DSP: variants seen among roughly 807,000 people sequenced by gnomAD.
The protein encoded by DSP is 250/210 kDa paraneoplastic pemphigus antigen.
Under a neutral mutation model 290.6 loss-of-function variants are expected in DSP, and 114 were observed. The observed-to-expected ratio is 0.39, with a 90% CI of 0.34 to 0.46. The LOEUF is 0.46. Ranked by LOEUF, DSP falls within the 20% of genes least tolerant of loss-of-function variation. The pLI is 0.99. For missense variants in DSP, 3,230 were observed against 3,495.8 expected, an observed-to-expected ratio of 0.92 and a Z score of 1.92; for synonymous variants, 1,311 against 1,316.4, an observed-to-expected ratio of 1.00 and a Z score of 0.09.
Position 7,568,853 on chromosome 6 carries a change from CTG to C in DSP, c.1419+267_1419+268del, listed in dbSNP as rs542204143. ...TTTTCTTCTAGTATGTCAAAGTTGT[CTG>C]TGATCACTCTCATCTTTAAATTTCT... is the stretch of plus-strand genomic sequence containing the variant. On this transcript the variant is annotated intron_variant, in intron 11 of 23. Transcript: ENST00000379802. Among the ~76,000 whole-genome samples the C allele has an allele frequency of 3.0e-3, 464 of 152,250 alleles. 1 individual carries two copies. The highest frequency in any genetic ancestry group is 0.011 in the African/African-American group (448 of 41,542).
Position 7,565,663 on chromosome 6 carries a change from T to C in DSP, c.939+143T>C. On this transcript the variant is annotated intron_variant, in intron 7 of 23. Coordinates refer to ENST00000379802, the MANE Select transcript of DSP (RefSeq NM_004415.4). The surrounding 1 kb of genome is among the most constrained non-coding windows in gnomAD (Gnocchi z 4.2). Reference sequence around the variant, plus strand: ...TCTTTGAAATGGTCGTGAAAAATCCTTCCTTCCTGAAAACTTCTCCGTGTG... The same window carrying C: ...TCTTTGAAATGGTCGTGAAAAATCCCTCCTTCCTGAAAACTTCTCCGTGTG... The C allele has an allele frequency of 8.5e-7, 1 of 1,182,212 alleles. No individual in the cohort carries two copies. Among genetic ancestry groups the C allele is most frequent in the South Asian group, 1.3e-5 (1 of 74,450 alleles). 73.2% of individuals were successfully genotyped at this position (1,182,212 alleles called of 1,614,324 possible).
chr6:7,556,291 G>T (rs2113654823), intron 2 of DSP, among the ~76,000 whole-genome samples: 1 of 152,204 alleles, frequency 6.6e-6, no homozygotes, highest in African/African-American at 2.4e-5. Context: ...ATGGAAAATT[G>T]AGGAGAAATG....
chr6:7,578,501 C>A lies in DSP; in HGVS notation c.3023C>A (p.Thr1008Lys). 6.2e-7 allele frequency: 1 copy of A among 1,613,750 alleles called. No individual in the cohort carries two copies. Among genetic ancestry groups the A allele is most frequent in the East Asian group, 2.2e-5 (1 of 44,806 alleles). Reference protein sequence around the residue: ...DVHARYIELLTRSGDYYRFLS... With the variant: ...DVHARYIELLKRSGDYYRFLS... ...CATGCTCGGTACATTGAACTACTTA[C>A]AAGATCTGGAGACTATTACAGGTTC... is the stretch of plus-strand genomic sequence containing the variant. The change falls in exon 22 of 24, where the codon ACA (threonine) becomes AAA (lysine). Residue 1008 changes from threonine to lysine, a missense_variant. Around this residue, in one of 5 missense-constraint regions of DSP, gnomAD observed 1,714 missense variants for 1,844.5 expected, o/e 0.93. Transcript: ENST00000379802.
chr6:7,581,770 A>T (rs764833632), intron 23 of DSP, among the ~76,000 whole-genome samples: 1 of 152,158 alleles, frequency 6.6e-6, no homozygotes, highest in Non-Finnish European at 1.5e-5. Context: ...GCTGTTCTTT[A>T]ATTGCATCAA....
chr6:7,562,512 T>TA, intron 4 of DSP, 140 bp from the exon 5 acceptor site: 3 of 1,493,744 alleles, frequency 2.0e-6, no homozygotes, highest in Admixed American at 3.4e-5. Context: ...TGGGAACCTT[T>TA]AAAAAATATT....
Position 7,565,061 on chromosome 6 carries a change from T to C in DSP, c.778-298T>C, listed in dbSNP as rs1382769122. Among the ~76,000 whole-genome samples, 1 of 152,108 alleles carries C rather than the reference T, an allele frequency of 6.6e-6. No individual in the cohort carries two copies. The highest frequency in any genetic ancestry group is 1.9e-4 in the East Asian group (1 of 5,186). ...CGGGAAGCTGAGGCAGGAGAATCGC[T>C]TAAACCCGGGAGGGGGAGGTTGCAG... On this transcript the variant is annotated intron_variant, in intron 6 of 23. Coordinates refer to ENST00000379802, the MANE Select transcript of DSP (RefSeq NM_004415.4). The surrounding 1 kb of genome is among the most constrained non-coding windows in gnomAD (Gnocchi z 4.2).
rs1372240183 is a variant in DSP at position 7,583,829 on chromosome 6, G to T, written c.6567G>T (p.Arg2189=). 2 of 1,614,022 alleles carry T rather than the reference G, an allele frequency of 1.2e-6. No individual in the cohort carries two copies. Among genetic ancestry groups the T allele is most frequent in the South Asian group, 1.1e-5 (1 of 91,078 alleles). Residue 2189 remains arginine (R), a synonymous_variant, in exon 24 of 24, where the codon CGG becomes CGT. Transcript: ENST00000379802. The surrounding 1 kb of genome is among the most constrained non-coding windows in gnomAD (Gnocchi z 4.0). ...KKVSYVQLKE[R]CRIEPHTGLL... ...TCAGTTACGTGCAGCTGAAGGAACG[G>T]TGCAGAATCGAACCACATACTGGTC...
In DSP at chr6:7,577,901, A is replaced by C; in HGVS notation, c.2985+15A>C. ...TTCTGCAAGAGGTATATATGTCATC[A>C]CATATCTCTTAAAACCTGCCCCTCC... On this transcript the variant is annotated intron_variant, in intron 21 of 23. Transcript: ENST00000379802. 6.2e-7 allele frequency: 1 copy of C among 1,602,162 alleles called. No individual in the cohort carries two copies. The highest frequency in any genetic ancestry group is 8.5e-7 in the Non-Finnish European group (1 of 1,169,600).
In DSP at chr6:7,582,731, G is replaced by A; in HGVS notation, c.5469G>A (p.Glu1823=). 2.5e-6 allele frequency: 4 copies of A among 1,613,672 alleles called. No homozygotes were observed. The highest frequency in any genetic ancestry group is 3.4e-6 in the Non-Finnish European group (4 of 1,179,768). ...TTCTGGTGAAAATCAAAGTCCTGGA[G>A]CAAGACAAGGCAAGGCTGCAGAGGC... The part of the protein sequence containing the change: ...ESLLVKIKVL[E]QDKARLQRLE... Residue 1823 remains glutamate, a synonymous_variant, in exon 24 of 24, where the codon GAG becomes GAA. Coordinates refer to ENST00000379802, the MANE Select transcript of DSP (RefSeq NM_004415.4). This position sits in a 1 kb window ranked among gnomAD's most constrained non-coding sequence, Gnocchi z 4.2.
chr6:7,561,059 C>T (rs971013193), intron 4 of DSP, among the ~76,000 whole-genome samples: 1 of 151,636 alleles, frequency 6.6e-6, no homozygotes, highest in Non-Finnish European at 1.5e-5. Flanking sequence ...TCAAGCAATT[C>T]TCCTGCTTCA....
intron 3 of DSP, 53 bp from the exon 4 acceptor site, chr6:7,559,172 CG>C: frequency 1.2e-6 from 2 of 1,600,326 alleles, no homozygotes; most frequent in East Asian, 4.5e-5. Context: ...TTGCCCAGAA[CG>C]GGTTTTCATA....
chr6:7,553,035 T>C (rs1160984429), intron 1 of DSP, among the ~76,000 whole-genome samples: 2 of 152,258 alleles, frequency 1.3e-5, no homozygotes, highest in African/African-American at 4.8e-5. Context: ...GTCTCTGTTT[T>C]TTAATACATT....
chr6:7,567,694 A>G (rs1758904359), intron 9 of DSP, 87 bp from the exon 10 acceptor site: 1 of 1,591,166 alleles, frequency 6.3e-7, no homozygotes, highest in Non-Finnish European at 8.6e-7. Flanking sequence ...AGAGATGTTT[A>G]GGGATGACAA....
chr6:7,551,143 A>G (rs1758329922), intron 1 of DSP, among the ~76,000 whole-genome samples: 1 of 152,218 alleles, frequency 6.6e-6, no homozygotes, highest in African/African-American at 2.4e-5. Context: ...TCAGTAAGGA[A>G]GAATGAGTTT....
chr6:7,569,945 A>T (rs1283982262), intron 12 of DSP, among the ~76,000 whole-genome samples: 4 of 152,244 alleles, frequency 2.6e-5, no homozygotes, highest in African/African-American at 9.6e-5. Flanking sequence ...ATCAGTTGTT[A>T]TACATGTAGC....
chr6:7,575,254 G>A (rs1356908810), intron 17 of DSP, 41 bp from the exon 18 acceptor site: 1 of 1,608,468 alleles, frequency 6.2e-7, no homozygotes, highest in Non-Finnish European at 8.5e-7. Context: ...TACAATGGGA[G>A]AAGGGATTAA....
At chr6:7,551,332 A>G (rs1758336512) in intron 1 of DSP, among the ~76,000 whole-genome samples, 1 of 152,156 alleles carries the variant, frequency 6.6e-6, no homozygotes, top group African/African-American at 2.4e-5. Flanking sequence ...TTTTAAAAAA[A>G]TGCATGTTTC....
At chr6:7,542,657 C>A (rs901262307) in intron 1 of DSP, among the ~76,000 whole-genome samples, 3 of 152,100 alleles carry the variant, frequency 2.0e-5, no homozygotes, top group African/African-American at 7.2e-5. Context: ...CCCGGCGGCG[C>A]GGGGTCCTGT....
chr6:7,566,534 A>C (rs1211998930), intron 8 of DSP, 53 bp downstream of exon 8: 1 of 1,410,908 alleles, frequency 7.1e-7, no homozygotes, highest in Non-Finnish European at 9.9e-7. Context: ...CTTTTCATAA[A>C]GTAAGACTAA....
Sources: allele counts gnomAD v4.1 joint callset (sites outside exome capture counted in the v4.1 genomes callset), GRCh38; gene constraint gnomAD v4.1.1; regional missense constraint gnomAD v4.1.1; non-coding constraint Gnocchi (gnomAD v3.1); transcripts MANE v1.5; gene names NCBI Gene and HGNC (gene_info 2026-07-23, HGNC 2026-07-21).